The following ACAP3 variants were observed in gnomAD, a reference collection of about 807,000 sequenced individuals.
The protein encoded by ACAP3 is arf-GAP with coiled-coil, ANK repeat and PH domain-containing protein 3.
In ACAP3, 56 loss-of-function variants were observed where a neutral mutation model predicts 104.1. The ratio of observed to expected loss-of-function variants is 0.54; its 90% confidence interval spans 0.43 to 0.67. ACAP3 has a LOEUF of 0.67. Among genes scored for constraint, ACAP3 ranks in the 30% least tolerant of loss-of-function variants. The pLI is 0.00. For synonymous variants in ACAP3, 628 were observed against 496.2 expected, an observed-to-expected ratio of 1.27 and a Z score of -3.53; for missense variants, 1,208 against 1,174.9, an observed-to-expected ratio of 1.03 and a Z score of -0.41.
At position 1,295,951 on chromosome 1, in the gene ACAP3, G is replaced by A. The variant is rs1327489972; in HGVS notation, c.1503-13C>T. 4 of 1,612,592 alleles carry A rather than the reference G, an allele frequency of 2.5e-6. No homozygotes were observed. Among genetic ancestry groups the A allele is most frequent in the Non-Finnish European group, 3.4e-6 (4 of 1,179,958 alleles). On this transcript the variant is annotated splice_polypyrimidine_tract_variant and intron_variant, in intron 17 of 23. Coordinates refer to ENST00000354700, the MANE Select transcript of ACAP3 (RefSeq NM_030649.3). The stretch of plus-strand genomic sequence containing the variant: ...CTCCTTGTCCTGCCTGGACCAGGGG[G>A]GAACATGAGGCTGTGCCCCCAGGCT...
chr1:1,305,477 A>C (rs1641651381), intron 1 of ACAP3: 1 of 152,246 alleles, frequency 6.6e-6, no homozygotes, highest in African/African-American at 2.4e-5. Flanking sequence ...AGCTGCACCC[A>C]GAGCTGCCGC....
At chr1:1,294,684 C>G in intron 20 of ACAP3, 34 bp downstream of exon 20, 1 of 1,546,222 alleles carries the variant, frequency 6.5e-7, no homozygotes, top group Non-Finnish European at 8.7e-7. Context: ...AGGGGCTGGG[C>G]AGGGGCCTCG....
At chr1:1,307,176 G>A in intron 1 of ACAP3, 1 of 1,282,654 alleles carries the variant, frequency 7.8e-7, no homozygotes, top group Non-Finnish European at 1.0e-6. Flanking sequence ...TGTAGTTCAC[G>A]CAGGTGTACA....
Position 1,293,175 on chromosome 1 carries a change from C to A in ACAP3, c.*389G>T. The A allele has an allele frequency of 6.3e-6, 1 of 158,300 alleles. No homozygotes were observed. Among genetic ancestry groups the A allele is most frequent in the Non-Finnish European group, 1.4e-5 (1 of 72,516 alleles). The allele number at this position is 158,300 out of a possible 1,614,324, so 9.8% of individuals were successfully genotyped here. On this transcript the variant is annotated 3_prime_UTR_variant, in exon 24 of 24. Coordinates refer to ENST00000354700, the MANE Select transcript of ACAP3 (RefSeq NM_030649.3). ...GGGTGTGCAGGAGGGAGCCAGCTAA[C>A]AGGTCAGTGTTCTGGGCAGAAGTGG...
rs1271598739 is a variant in ACAP3, at chr1:1,296,163, C to T, written c.1407+48G>A. 3 of 1,606,372 alleles carry T rather than the reference C, an allele frequency of 1.9e-6. No homozygotes were observed. The Admixed American group carries it at 5.1e-5, about 27-fold the overall frequency. On this transcript the variant is annotated intron_variant, in intron 16 of 23. Coordinates refer to ENST00000354700, the MANE Select transcript of ACAP3 (RefSeq NM_030649.3). ...AGTGCGAACCTGCAGACCCCAGCTC[C>T]CGCCCCCACAAACGGGGTCCCGTGG...
chr1:1,296,724 G>C, intron 14 of ACAP3, 91 bp from the exon 15 acceptor site: 1 of 1,346,470 alleles, frequency 7.4e-7, no homozygotes, highest in South Asian at 1.3e-5. Context: ...AAGAGCCAAT[G>C]CAGGCCAGGG....
intron 5 of ACAP3, among the ~76,000 whole-genome samples, chr1:1,301,065 C>G (rs1048097360): frequency 6.6e-6 from 1 of 152,024 alleles, no homozygotes; most frequent in East Asian, 1.9e-4. Context: ...CTGCGCCTGG[C>G]CTGGTTTTGT....
rs1237755535 is a variant in ACAP3 at position 1,293,942 on chromosome 1, C to T, written c.2250-9G>A. On this transcript the variant is annotated splice_polypyrimidine_tract_variant and intron_variant, in intron 22 of 23. Transcript: ENST00000354700. ...GGAACAGGCAAACCTGGCTGAGGGG[C>T]GAGGTCGGAGGGGCGTGTCGGGGCG... is the stretch of plus-strand genomic sequence containing the variant. The T allele has an allele frequency of 2.0e-6, 3 of 1,520,854 alleles. No homozygotes were observed. Among genetic ancestry groups the T allele is most frequent in the Non-Finnish European group, 1.8e-6 (2 of 1,126,104 alleles). The allele number at this position is 1,520,854 out of a possible 1,614,324, so 94.2% of individuals were successfully genotyped here.
Position 1,294,432 on chromosome 1 carries a change from GC to G in ACAP3, c.2108del (p.Gly703AlafsTer10). On this transcript the variant is annotated frameshift_variant, in exon 21 of 24. Coordinates refer to ENST00000354700, the MANE Select transcript of ACAP3 (RefSeq NM_030649.3). LOFTEE classifies it high-confidence loss of function. ...GCACGGCCTGCACCAGCGGCGTCTT[GC>G]CCTCATCCTCCGCGTCCGCCCAGTT... ...EVNWADAEDE[G>X]KTPLVQAVLG... is the part of the protein sequence containing the mutation. The G allele has an allele frequency of 6.3e-7, 1 of 1,576,744 alleles. No homozygotes were observed.
rs1051829304 is a variant in ACAP3 at position 1,297,077 on chromosome 1, G to A, written c.1129-444C>T. On this transcript the variant is annotated intron_variant, in intron 14 of 23. Transcript: ENST00000354700. ...CACACACAGGCGTGTGCACGTGTGT[G>A]GGGCAGGGGCCATCCCCAGTGGCAC... Among the ~76,000 whole-genome samples, 7 of 152,322 alleles carry A rather than the reference G, an allele frequency of 4.6e-5. No individual in the cohort carries two copies. In the East Asian group the frequency reaches 1.4e-3, roughly 29 times the overall value.
rs761998533 is a variant in ACAP3 at position 1,295,790 on chromosome 1, G to A, written c.1651C>T (p.Arg551Cys). The A allele has an allele frequency of 1.7e-5, 28 of 1,609,038 alleles. No individual in the cohort carries two copies. The highest frequency in any genetic ancestry group is 8.9e-5 in the East Asian group (4 of 44,884). The part of the protein sequence containing the change: ...PHSSPRAPTA[R>C]RKVRLEPVLP... ...ACGGGCTCAAGCCGGACCTTGCGGC[G>A]GGCAGTGGGAGCGCGGGGAGAGCTG... The change falls in exon 18 of 24, where the codon CGC becomes TGC. Residue 551 changes from arginine to cysteine, a missense_variant. Physicochemically the swap from Arg to Cys is radical, Grantham distance 180. Transcript: ENST00000354700.
chr1:1,300,414 C>T (rs1641392644), intron 6 of ACAP3, 95 bp downstream of exon 6: 2 of 1,379,932 alleles, frequency 1.4e-6, no homozygotes, highest in Admixed American at 2.3e-5. Context: ...AGAATCGTCA[C>T]TCCTGCTCAA....
chr1:1,303,997 A>G lies in ACAP3; in HGVS notation c.105+89T>C, dbSNP rs542546698. The stretch of plus-strand genomic sequence containing the variant: ...GCATGCTCCACATATGGGGGGTGTA[A>G]GTGGCTTAGTAAGGCCTGGAGGGCG... On this transcript the variant is annotated intron_variant, in intron 2 of 23. Coordinates refer to ENST00000354700, the MANE Select transcript of ACAP3 (RefSeq NM_030649.3). This position sits in a 1 kb window ranked among gnomAD's most constrained non-coding sequence, Gnocchi z 4.0. 2.8e-4 allele frequency: 407 copies of G among 1,476,248 alleles called. No homozygotes were observed. Among genetic ancestry groups the G allele is most frequent in the Non-Finnish European group, 3.6e-4 (392 of 1,085,282 alleles). The allele number at this position is 1,476,248 out of a possible 1,614,324, so 91.4% of individuals were successfully genotyped here.
intron 21 of ACAP3, 52 bp from the exon 22 acceptor site, chr1:1,294,251 G>C (rs1284162311): frequency 3.9e-6 from 6 of 1,530,008 alleles, no homozygotes; most frequent in Non-Finnish European, 5.3e-6. Context: ...CCCTCTCCGC[G>C]CCTCTGCACC....
chr1:1,298,581 G>A lies in ACAP3; in HGVS notation c.849C>T (p.Phe283=), dbSNP rs760524368. The A allele has an allele frequency of 1.9e-6, 3 of 1,600,122 alleles. No homozygotes were observed. The highest frequency in any genetic ancestry group is 3.5e-5 in the Admixed American group (2 of 57,434). Residue 283 remains phenylalanine, a synonymous_variant, in exon 11 of 24, where the codon TTC becomes TTT. Coordinates refer to ENST00000354700, the MANE Select transcript of ACAP3 (RefSeq NM_030649.3). ...GYLFKRASNA[F]KTWNRRWFSI... ...AGGCCTCTCACCGGTTCCATGTCTTGAAAGCGTTGCTGGCCCTCTTGAAGA... is the reference window on the plus strand; with the variant it reads ...AGGCCTCTCACCGGTTCCATGTCTTAAAAGCGTTGCTGGCCCTCTTGAAGA...
Position 1,307,759 on chromosome 1 carries a change from G to A in ACAP3, c.47+10C>T. The stretch of plus-strand genomic sequence containing the variant: ...GCCTGCGCCCACCCCGGCGGCCCCG[G>A]GCGGCGCACCTGAAGCGCGGGGAGT... On this transcript the variant is annotated intron_variant, in intron 1 of 23. Transcript: ENST00000354700. 9.1e-7 allele frequency: 1 copy of A among 1,099,520 alleles called. No homozygotes were observed. 68.1% of individuals were successfully genotyped at this position (1,099,520 alleles called of 1,614,324 possible).
chr1:1,307,392 A>G, intron 1 of ACAP3: 1 of 1,290,912 alleles, frequency 7.7e-7, no homozygotes, highest in Non-Finnish European at 1.0e-6. Context: ...CTCTGGACAC[A>G]GGATCAAGTC....
intron 1 of ACAP3, chr1:1,307,350 C>T (rs560943315): frequency 1.2e-5 from 16 of 1,289,868 alleles, no homozygotes; most frequent in East Asian, 5.5e-5. Context: ...AGGCCTTAAA[C>T]GCGGCTCCAG....
At chr1:1,299,747 CG>C in intron 9 of ACAP3, 83 bp downstream of exon 9, 1 of 1,412,408 alleles carries the variant, frequency 7.1e-7, no homozygotes, top group East Asian at 2.5e-5. Flanking sequence ...GAGGAAGGGG[CG>C]GGGAGGGTGT....
Sources: allele counts gnomAD v4.1 joint callset (sites outside exome capture counted in the v4.1 genomes callset), GRCh38; gene constraint gnomAD v4.1.1; non-coding constraint Gnocchi (gnomAD v3.1); transcripts MANE v1.5; gene names NCBI Gene and HGNC (gene_info 2026-07-23, HGNC 2026-07-21).